STXBP5: variants seen among roughly 807,000 people sequenced by gnomAD.
The protein encoded by STXBP5 is syntaxin binding protein 5.
A neutral mutation model predicts 152.4 loss-of-function variants in STXBP5; 50 were observed. The observed-to-expected ratio is 0.33, with a 90% confidence interval of 0.26 to 0.42. The LOEUF is 0.42. Ranked by LOEUF, STXBP5 falls within the 10% of genes least tolerant of loss-of-function variation. The pLI, the probability that STXBP5 is intolerant of heterozygous loss-of-function variation, is 1.00. For missense variants in STXBP5, 1,167 were observed against 1,388.6 expected, an observed-to-expected ratio of 0.84 and a Z score of 2.54; for synonymous variants, 492 against 494.7, an observed-to-expected ratio of 0.99 and a Z score of 0.07.
chr6:147,292,577 G>T, intron 9 of STXBP5: 1 of 152,810 alleles, frequency 6.5e-6, no homozygotes, highest in Non-Finnish European at 1.5e-5. Context: ...TGTTACATTT[G>T]TCCTATGGCA....
rs550880489 is a variant in STXBP5, at chr6:147,373,993, C to A, written c.3193+151C>A. ...TTAACAAAATACATAAAATTATTTTCTGTTATTCTATCCCAAATCAGGGAA... is the reference window on the plus strand; with the variant it reads ...TTAACAAAATACATAAAATTATTTTATGTTATTCTATCCCAAATCAGGGAA... On this transcript the variant is annotated intron_variant, in intron 26 of 27. Transcript: ENST00000321680. 232 of 571,798 alleles carry A rather than the reference C, an allele frequency of 4.1e-4. No individual in the cohort carries two copies. The African/African-American group carries it at 4.1e-3, about 10-fold the overall frequency. 35.4% of individuals were successfully genotyped at this position (571,798 alleles called of 1,614,324 possible).
intron 2 of STXBP5, among the ~76,000 whole-genome samples, chr6:147,216,888 G>T (rs1310721018): frequency 6.6e-6 from 1 of 152,132 alleles, no homozygotes; most frequent in Non-Finnish European, 1.5e-5. Context: ...GATATATGAC[G>T]AGTCCTAGAA....
chr6:147,304,000 T>C (rs1781960282), intron 9 of STXBP5, among the ~76,000 whole-genome samples: 1 of 152,190 alleles, frequency 6.6e-6, no homozygotes, highest in Non-Finnish European at 1.5e-5. Context: ...TTGGAAACTT[T>C]GCAGCCTGAT....
At chr6:147,342,153 C>T (rs918142922) in intron 21 of STXBP5, among the ~76,000 whole-genome samples, 1 of 151,746 alleles carries the variant, frequency 6.6e-6, no homozygotes, top group Non-Finnish European at 1.5e-5. Flanking sequence ...TGGCCCTGTT[C>T]TATCTACACA....
rs753959575 is a variant in STXBP5 at position 147,363,473 on chromosome 6, A to G, written c.2684A>G (p.Lys895Arg). The G allele has an allele frequency of 5.0e-6, 8 of 1,614,122 alleles. No individual in the cohort carries two copies. The highest frequency in any genetic ancestry group is 6.8e-6 in the Non-Finnish European group (8 of 1,180,032). ...EEKDEKEKLK[K>R]RRPVSVSPSS... The stretch of plus-strand genomic sequence containing the variant: ...AAAGACGAAAAGGAGAAATTGAAAA[A>G]ACGGCGGCCTGTCTCAGTATCCCCC... Residue 895 changes from lysine (K) to arginine (R), a missense_variant, in exon 24 of 28, where the codon AAA (lysine) becomes AGA (arginine). Transcript: ENST00000321680.
intron 3 of STXBP5, among the ~76,000 whole-genome samples, chr6:147,238,570 G>A (rs542459381): frequency 1.3e-5 from 2 of 152,274 alleles, no homozygotes; most frequent in East Asian, 3.9e-4. Flanking sequence ...CCACTTAAAT[G>A]ATTCTCAAAT....
intron 2 of STXBP5, among the ~76,000 whole-genome samples, chr6:147,208,959 C>A (rs1227552727): frequency 1.3e-5 from 2 of 151,960 alleles, no homozygotes; most frequent in African/African-American, 4.8e-5. Flanking sequence ...TATAAATATG[C>A]TGAATGCTAA....
chr6:147,374,722 A>C (rs1247653916), intron 26 of STXBP5, among the ~76,000 whole-genome samples: 1 of 152,218 alleles, frequency 6.6e-6, no homozygotes, highest in Non-Finnish European at 1.5e-5. Flanking sequence ...AACTTGGGGC[A>C]CTTTGACTCT....
At chr6:147,302,996 C>T (rs148589848) in intron 9 of STXBP5, among the ~76,000 whole-genome samples, 1 of 152,130 alleles carries the variant, frequency 6.6e-6, no homozygotes, top group East Asian at 1.9e-4. Flanking sequence ...ATGAATTTCC[C>T]ATGGTGAAAT....
At chr6:147,327,842 T>A (rs375383784) in intron 18 of STXBP5, among the ~76,000 whole-genome samples, 3 of 152,328 alleles carry the variant, frequency 2.0e-5, no homozygotes, top group East Asian at 3.9e-4. Context: ...ATTTGTATAA[T>A]TATTATATAA....
rs1039804675 is a variant in STXBP5 at position 147,350,496 on chromosome 6, G to C, written c.2255-2827G>C. ...GTTTAATGTATTCAGAGATGAATTT[G>C]TTACTTTTATCTTATAAATCACTGA... On this transcript the variant is annotated intron_variant, in intron 21 of 27. Coordinates refer to ENST00000321680, the MANE Select transcript of STXBP5 (RefSeq NM_001127715.4). Among the ~76,000 whole-genome samples the C allele has an allele frequency of 2.6e-5, 4 of 152,116 alleles. No homozygotes were observed. The South Asian group carries it at 6.2e-4, about 24-fold the overall frequency.
At chr6:147,255,602 C>T (rs942531403) in intron 4 of STXBP5, among the ~76,000 whole-genome samples, 5 of 152,164 alleles carry the variant, frequency 3.3e-5, no homozygotes, top group African/African-American at 1.2e-4. Flanking sequence ...TCAAGCAGTC[C>T]TCCTGCCTCA....
intron 7 of STXBP5, among the ~76,000 whole-genome samples, chr6:147,271,810 TAGAGA>T (rs1216040779): frequency 2.6e-5 from 4 of 151,006 alleles, no homozygotes; most frequent in African/African-American, 7.3e-5. Context: ...AACAGAAAAA[TAGAGA>T]AAAGTGATAA....
At chr6:147,252,381 A>G (rs781524632) in intron 4 of STXBP5, among the ~76,000 whole-genome samples, 2 of 152,118 alleles carry the variant, frequency 1.3e-5, no homozygotes, top group Non-Finnish European at 1.5e-5. Flanking sequence ...AGCGAAGAAC[A>G]TAAATGACCT....
chr6:147,310,960 A>G (rs1782346346), intron 10 of STXBP5, among the ~76,000 whole-genome samples: 2 of 152,164 alleles, frequency 1.3e-5, no homozygotes, highest in South Asian at 2.1e-4. Flanking sequence ...GACACATACA[A>G]TTAACCATCA....
chr6:147,380,408 T>C (rs549446659), intron 26 of STXBP5, among the ~76,000 whole-genome samples: 1 of 146,766 alleles, frequency 6.8e-6, no homozygotes, highest in Non-Finnish European at 1.5e-5. Flanking sequence ...GGCCAAAGAA[T>C]GGTCTTTTCA....
intron 5 of STXBP5, 37 bp downstream of exon 5, chr6:147,260,786 A>C (rs1348815806): frequency 6.2e-7 from 1 of 1,602,296 alleles, no homozygotes; most frequent in Admixed American, 1.7e-5. Flanking sequence ...TGAAAGCATC[A>C]GTTCTATATA....
At chr6:147,284,206 G>A (rs1385153211) in intron 8 of STXBP5, among the ~76,000 whole-genome samples, 1 of 152,096 alleles carries the variant, frequency 6.6e-6, no homozygotes, top group African/African-American at 2.4e-5. Flanking sequence ...TGCATTTTGA[G>A]TGCACGGTAG....
At chr6:147,328,798 C>T (rs946721390) in intron 18 of STXBP5, 35 of 468,784 alleles carry the variant, frequency 7.5e-5, no homozygotes, top group African/African-American at 6.4e-4. Flanking sequence ...TCATTTATGC[C>T]TTGGCATGTT....
Sources: allele counts gnomAD v4.1 joint callset (sites outside exome capture counted in the v4.1 genomes callset), GRCh38; gene constraint gnomAD v4.1.1; transcripts MANE v1.5; gene names NCBI Gene and HGNC (gene_info 2026-07-23, HGNC 2026-07-21).